The following YEATS4 variants were observed in gnomAD, a reference collection of about 807,000 sequenced individuals.
YEATS4 encodes the protein YEATS domain-containing protein 4.
Under a neutral mutation model 30.1 loss-of-function variants are expected in YEATS4, and 17 were observed. The observed-to-expected ratio is 0.56, with a 90% CI of 0.39 to 0.85. YEATS4 has a LOEUF of 0.85. Ranked by LOEUF, YEATS4 falls within the 40% of genes least tolerant of loss-of-function variation. YEATS4 has a pLI of 0.00. For synonymous variants in YEATS4, 85 were observed against 87.5 expected (o/e 0.97, Z 0.16); for missense variants, 142 against 268.3 (o/e 0.53, Z 3.29).
intron 6 of YEATS4, among the ~76,000 whole-genome samples, chr12:69,375,851 A>G (rs559289447): frequency 6.6e-6 from 1 of 152,024 alleles, no homozygotes; most frequent in Non-Finnish European, 1.5e-5. Context: ...AGATGGCGGC[A>G]GTACAGTCCA....
the YEATS4 span, among the ~76,000 whole-genome samples, chr12:69,419,436 G>A: frequency 4.0e-5 from 6 of 151,876 alleles, no homozygotes; most frequent in Admixed American, 2.6e-4. Flanking sequence ...TGCCCAGGCT[G>A]GTCTTGAACT....
chr12:69,393,628 A>T (rs998783441), downstream of YEATS4, among the ~76,000 whole-genome samples: 10 of 152,088 alleles, frequency 6.6e-5, no homozygotes, highest in Non-Finnish European at 1.3e-4. Context: ...ACAATGCAAA[A>T]CCCAGAAATC....
chr12:69,423,538 T>G, the YEATS4 span, among the ~76,000 whole-genome samples: 1 of 152,188 alleles, frequency 6.6e-6, no homozygotes, highest in African/African-American at 2.4e-5. Context: ...GCAACAAGCA[T>G]GGGGCATTCC....
intron 6 of YEATS4, among the ~76,000 whole-genome samples, chr12:69,372,324 T>C (rs1221416052): frequency 6.6e-6 from 1 of 152,242 alleles, no homozygotes; most frequent in Non-Finnish European, 1.5e-5. Flanking sequence ...GCATTTACCC[T>C]TTTTGTTACA....
intron 6 of YEATS4, among the ~76,000 whole-genome samples, chr12:69,375,166 G>C (rs1341475961): frequency 6.6e-6 from 1 of 150,544 alleles, no homozygotes; most frequent in African/African-American, 2.5e-5. Context: ...GCCGGGCGTA[G>C]GGGCTCCTCA....
intron 6 of YEATS4, among the ~76,000 whole-genome samples, chr12:69,383,265 A>G (rs551144821): frequency 6.6e-6 from 1 of 150,850 alleles, no homozygotes; most frequent in East Asian, 1.9e-4. Context: ...TTCTGTCTCA[A>G]AAAAAAAAAG....
At chr12:69,391,664 G>A (rs1029166264), downstream of YEATS4, among the ~76,000 whole-genome samples, 1 of 152,160 alleles carries the variant, frequency 6.6e-6, no homozygotes, top group African/African-American at 2.4e-5. Flanking sequence ...GGGCTTGATG[G>A]TGGTACTTTC....
the YEATS4 span, among the ~76,000 whole-genome samples, chr12:69,424,698 C>T: frequency 6.6e-6 from 1 of 152,096 alleles, no homozygotes; most frequent in Non-Finnish European, 1.5e-5. Context: ...TTCCCCTTCG[C>T]TCTCCCTCAC....
At position 69,386,093 on chromosome 12, in the gene YEATS4, C is replaced by CT. The variant is rs968831031; in HGVS notation, c.515-4047dup. ...TGGGAAATTAAAAACAGAAACTTTT[C>CT]TTTTTTTGTATAAGCATTTAACACA... On this transcript the variant is annotated intron_variant, in intron 6 of 6. Coordinates refer to ENST00000247843, the MANE Select transcript of YEATS4 (RefSeq NM_006530.4). 6.6e-5 allele frequency among the ~76,000 whole-genome samples: 10 copies of CT among 152,250 alleles called. No individual in the cohort carries two copies. In the East Asian group the frequency reaches 7.7e-4, roughly 12 times the overall value.
chr12:69,409,475 G>T, the YEATS4 span, among the ~76,000 whole-genome samples: 3 of 152,138 alleles, frequency 2.0e-5, no homozygotes, highest in Admixed American at 2.0e-4. Context: ...AAATTAGCCA[G>T]CCATGGTGGT....
At chr12:69,423,033 G>GAA in the YEATS4 span, 22 of 152,156 alleles carry the variant, frequency 1.4e-4, no homozygotes, top group African/African-American at 4.6e-4. Context: ...CTATCCTCTG[G>GAA]AAAAAAATGA....
the YEATS4 span, among the ~76,000 whole-genome samples, chr12:69,403,704 A>G: frequency 6.6e-6 from 1 of 152,196 alleles, no homozygotes; most frequent in Non-Finnish European, 1.5e-5. Flanking sequence ...AATGTGGCAA[A>G]GGAATTGCAT....
intron 6 of YEATS4, 113 bp from the exon 7 acceptor site, chr12:69,390,034 A>T (rs1868298363): frequency 1.2e-6 from 1 of 852,454 alleles, no homozygotes; most frequent in Non-Finnish European, 1.7e-6. Context: ...TTCTTAAGTT[A>T]TCCACATTTC....
chr12:69,416,215 AAG>A, the YEATS4 span, among the ~76,000 whole-genome samples: 1 of 152,218 alleles, frequency 6.6e-6, no homozygotes, highest in African/African-American at 2.4e-5. Flanking sequence ...AACAGGCACT[AAG>A]AATTCAGCCT....
At chr12:69,369,594 GTTTTCTTAAGTTTTC>G (rs1875567127) in intron 4 of YEATS4, among the ~76,000 whole-genome samples, 1 of 152,118 alleles carries the variant, frequency 6.6e-6, no homozygotes, top group Admixed American at 6.6e-5. Context: ...CTCTTAGGCA[GTTTTCTTAAGTTTTC>G]AGGTTGTGGT....
At chr12:69,425,770 C>A in the YEATS4 span, among the ~76,000 whole-genome samples, 1 of 152,210 alleles carries the variant, frequency 6.6e-6, no homozygotes, top group Admixed American at 6.5e-5. Context: ...CCCCTCACTC[C>A]TTGGTGGACC....
the YEATS4 span, among the ~76,000 whole-genome samples, chr12:69,421,774 G>A: frequency 1.3e-5 from 2 of 152,140 alleles, no homozygotes; most frequent in Non-Finnish European, 2.9e-5. Context: ...GCTAGCGGCT[G>A]TACCCACATC....
intron 6 of YEATS4, among the ~76,000 whole-genome samples, chr12:69,375,193 G>A (rs1487670877): frequency 1.3e-5 from 2 of 149,746 alleles, no homozygotes; most frequent in African/African-American, 4.9e-5. Context: ...AGACGGGGCG[G>A]CCGGTCAGAG....
chr12:69,388,035 A>T (rs1047047386), intron 6 of YEATS4, among the ~76,000 whole-genome samples: 3 of 140,510 alleles, frequency 2.1e-5, no homozygotes, highest in Admixed American at 1.4e-4. Context: ...ATTAATATTC[A>T]TTGAATTTTT....
Sources: allele counts gnomAD v4.1 joint callset (sites outside exome capture counted in the v4.1 genomes callset), GRCh38; gene constraint gnomAD v4.1.1; transcripts MANE v1.5; gene names NCBI Gene and HGNC (gene_info 2026-07-23, HGNC 2026-07-21).